Variants in LUZP2 observed in about 807,000 individuals in gnomAD.
LUZP2 encodes leucine zipper protein 2.
LUZP2 carries 52 observed loss-of-function variants against 51.6 expected under a neutral mutation model. That is an observed-to-expected ratio of 1.01 (90% CI 0.81 to 1.27). The LOEUF (loss-of-function observed/expected upper bound fraction) is 1.27. LUZP2 is among the 50% of genes most tolerant of loss of function. LUZP2 has a pLI of 0.00. For missense variants in LUZP2, 436 were observed against 395.4 expected (o/e 1.10, Z -0.87); for synonymous variants, 154 against 137.3 (o/e 1.12, Z -0.85).
intron 1 of LUZP2, among the ~76,000 whole-genome samples, chr11:24,568,947 T>A (rs543072239): frequency 1.3e-5 from 2 of 151,942 alleles, no homozygotes; most frequent in African/African-American, 4.8e-5. Flanking sequence ...AAGCAATGTG[T>A]AAACCTTAAG....
chr11:24,770,005 G>T (rs1272665392), intron 5 of LUZP2, among the ~76,000 whole-genome samples: 1 of 152,130 alleles, frequency 6.6e-6, no homozygotes, highest in Non-Finnish European at 1.5e-5. Flanking sequence ...TATTGGCCAG[G>T]CTGGTCTCGA....
At chr11:24,989,154 C>A (rs1856264360) in intron 9 of LUZP2, among the ~76,000 whole-genome samples, 1 of 151,592 alleles carries the variant, frequency 6.6e-6, no homozygotes, top group Non-Finnish European at 1.5e-5. Context: ...CAATGGGAAG[C>A]CATCGTATAA....
chr11:24,580,432 G>A (rs1167103268), intron 1 of LUZP2, among the ~76,000 whole-genome samples: 1 of 152,076 alleles, frequency 6.6e-6, no homozygotes, highest in Non-Finnish European at 1.5e-5. Flanking sequence ...GAGTTTACCT[G>A]TGATAAATGC....
At chr11:24,546,754 C>T (rs1464341408) in intron 1 of LUZP2, among the ~76,000 whole-genome samples, 1 of 151,890 alleles carries the variant, frequency 6.6e-6, no homozygotes, top group Non-Finnish European at 1.5e-5. Flanking sequence ...GTGTGTTTGC[C>T]AGGTTTTTGT....
intron 1 of LUZP2, among the ~76,000 whole-genome samples, chr11:24,509,486 T>C (rs1850240556): frequency 6.7e-6 from 1 of 148,936 alleles, no homozygotes; most frequent in East Asian, 1.9e-4. Context: ...TATCATGTAG[T>C]ATATAGATTA....
At chr11:24,981,523 T>G (rs2133911886) in intron 8 of LUZP2, among the ~76,000 whole-genome samples, 1 of 151,876 alleles carries the variant, frequency 6.6e-6, no homozygotes, top group African/African-American at 2.4e-5. Flanking sequence ...ACCTCTTATC[T>G]CACCCTGTGA....
intron 1 of LUZP2, among the ~76,000 whole-genome samples, chr11:24,616,303 C>T (rs568464498): frequency 6.6e-6 from 1 of 152,074 alleles, no homozygotes; most frequent in African/African-American, 2.4e-5. Flanking sequence ...CCCACCTTTT[C>T]CCCTATGTTT....
intron 1 of LUZP2, among the ~76,000 whole-genome samples, chr11:24,498,904 A>T (rs1849908156): frequency 6.6e-6 from 1 of 152,244 alleles, no homozygotes; most frequent in Non-Finnish European, 1.5e-5. Flanking sequence ...GAACATCTCT[A>T]GAGTTCCAAA....
chr11:24,680,657 G>A (rs180734543), intron 1 of LUZP2, among the ~76,000 whole-genome samples: 148 of 152,316 alleles, frequency 9.7e-4, no homozygotes, highest in Non-Finnish European at 1.7e-3. Flanking sequence ...TGTGGGGCCA[G>A]TAATAACAGT....
intron 10 of LUZP2, among the ~76,000 whole-genome samples, chr11:25,062,242 G>C (rs1309983572): frequency 6.6e-6 from 1 of 150,982 alleles, no homozygotes; most frequent in African/African-American, 2.4e-5. Flanking sequence ...GAAATAGATA[G>C]TTACAACAAT....
At position 24,716,535 on chromosome 11, in the gene LUZP2, G is replaced by T. The variant is rs1858050946; in HGVS notation, c.63-12634G>T. The stretch of plus-strand genomic sequence containing the variant: ...AAGAATGAGGAGGACAAGTCACAGG[G>T]TACAGGAGCCTGTTTTTCAACACTT... On this transcript the variant is annotated intron_variant, in intron 1 of 11. Coordinates refer to ENST00000336930, the MANE Select transcript of LUZP2 (RefSeq NM_001009909.4). 3.3e-5 allele frequency among the ~76,000 whole-genome samples: 5 copies of T among 152,248 alleles called. No homozygotes were observed. The South Asian group carries it at 1.0e-3, about 32-fold the overall frequency.
intron 5 of LUZP2, among the ~76,000 whole-genome samples, chr11:24,841,154 G>C (rs1478930206): frequency 6.6e-6 from 1 of 151,896 alleles, no homozygotes; most frequent in Non-Finnish European, 1.5e-5. Context: ...TGAAGCCTTT[G>C]GGAGGTAGTT....
chr11:24,915,593 G>T (rs868623448), intron 7 of LUZP2, among the ~76,000 whole-genome samples: 4 of 152,124 alleles, frequency 2.6e-5, no homozygotes, highest in Middle Eastern at 3.4e-3. Context: ...TTACAGATAA[G>T]TAATAGAAAG....
At chr11:24,897,778 G>T (rs992569682) in intron 5 of LUZP2, among the ~76,000 whole-genome samples, 2 of 150,868 alleles carry the variant, frequency 1.3e-5, no homozygotes, top group African/African-American at 5.0e-5. Context: ...TGGGAAAATA[G>T]TTTGTTTATG....
intron 9 of LUZP2, among the ~76,000 whole-genome samples, chr11:25,038,338 G>C (rs1017550844): frequency 2.0e-5 from 3 of 151,974 alleles, no homozygotes; most frequent in Non-Finnish European, 4.4e-5. Flanking sequence ...TCCTGTACCA[G>C]GCATACCTGC....
At chr11:24,576,544 A>G (rs2133812735) in intron 1 of LUZP2, among the ~76,000 whole-genome samples, 1 of 151,314 alleles carries the variant, frequency 6.6e-6, no homozygotes, top group Non-Finnish European at 1.5e-5. Context: ...TAGGAGAGGT[A>G]GGGAATGAGT....
At chr11:25,060,363 C>T (rs1248937516) in intron 10 of LUZP2, among the ~76,000 whole-genome samples, 1 of 152,122 alleles carries the variant, frequency 6.6e-6, no homozygotes, top group Non-Finnish European at 1.5e-5. Context: ...TCTCTGAAGC[C>T]TCTTTTATAA....
chr11:24,709,698 C>T (rs1590379971), intron 1 of LUZP2, among the ~76,000 whole-genome samples: 2 of 152,264 alleles, frequency 1.3e-5, no homozygotes, highest in South Asian at 2.1e-4. Flanking sequence ...TAGCACATAA[C>T]TCTACTGATA....
At chr11:25,033,958 C>T (rs1481727066) in intron 9 of LUZP2, among the ~76,000 whole-genome samples, 4 of 152,082 alleles carry the variant, frequency 2.6e-5, no homozygotes, top group Non-Finnish European at 4.4e-5. Context: ...AATGGGATTG[C>T]TGGGTCAAAT....
Sources: gnomAD v4.1 joint callset for allele counts (sites outside exome capture counted in the v4.1 genomes callset) on GRCh38, gnomAD v4.1.1 for gene constraint, MANE v1.5 for transcripts, NCBI Gene and HGNC (gene_info 2026-07-23, HGNC 2026-07-21) for gene names.